TNIK: variants seen among roughly 807,000 people sequenced by gnomAD.
The protein encoded by TNIK is TRAF2 and NCK interacting kinase.
A neutral mutation model predicts 191.3 loss-of-function variants in TNIK; 49 were observed. The observed-to-expected ratio is 0.26, with a 90% CI of 0.20 to 0.32. The LOEUF (loss-of-function observed/expected upper bound fraction) is 0.32. Ranked by LOEUF, TNIK falls within the 10% of genes least tolerant of loss-of-function variation. The pLI is 1.00. For synonymous variants in TNIK, 594 were observed against 600.9 expected (o/e 0.99, Z 0.17); for missense variants, 1,155 against 1,702.3 (o/e 0.68, Z 5.66).
At chr3:171,200,991 T>C (rs1739331435) in intron 4 of TNIK, among the ~76,000 whole-genome samples, 1 of 152,164 alleles carries the variant, frequency 6.6e-6, no homozygotes, top group Non-Finnish European at 1.5e-5. Flanking sequence ...ATCCCTTCTC[T>C]TTTATGGTAA....
intron 2 of TNIK, among the ~76,000 whole-genome samples, chr3:171,234,171 A>G (rs956325098): frequency 3.9e-5 from 6 of 152,210 alleles, no homozygotes. Context: ...TTTCCTTGAT[A>G]CAACATGTCT....
chr3:171,367,383 T>C (rs1262932822), intron 2 of TNIK, among the ~76,000 whole-genome samples: 1 of 151,076 alleles, frequency 6.6e-6, no homozygotes, highest in Non-Finnish European at 1.5e-5. Flanking sequence ...CCTAACATCG[T>C]CTGGTTGCCT....
chr3:171,066,830 A>T, intron 30 of TNIK, 95 bp from the exon 31 acceptor site: 1 of 1,412,524 alleles, frequency 7.1e-7, no homozygotes, highest in African/African-American at 1.4e-5. Flanking sequence ...GTTTTTGTTT[A>T]TTTTCATTGT....
intron 4 of TNIK, among the ~76,000 whole-genome samples, chr3:171,207,697 G>A (rs1740272850): frequency 6.6e-6 from 1 of 152,108 alleles, no homozygotes; most frequent in South Asian, 2.1e-4. Flanking sequence ...CAGAGTCACT[G>A]CTAAAATGCT....
chr3:171,221,791 T>C (rs1384608236), intron 3 of TNIK, among the ~76,000 whole-genome samples: 1 of 152,090 alleles, frequency 6.6e-6, no homozygotes, highest in African/African-American at 2.4e-5. Context: ...GGCTAACAAC[T>C]CTGTAATTGA....
intron 1 of TNIK, among the ~76,000 whole-genome samples, chr3:171,456,082 T>C (rs1728766705): frequency 6.6e-6 from 1 of 152,216 alleles, no homozygotes; most frequent in African/African-American, 2.4e-5. Flanking sequence ...AAGACAAGTG[T>C]AGATCATCTA....
chr3:171,225,140 G>T (rs537517652), intron 3 of TNIK, among the ~76,000 whole-genome samples: 23 of 152,260 alleles, frequency 1.5e-4, no homozygotes, highest in African/African-American at 5.5e-4. Flanking sequence ...CAACCATAAT[G>T]AGTACAATTA....
intron 2 of TNIK, among the ~76,000 whole-genome samples, chr3:171,341,400 A>G (rs1757498115): frequency 7.0e-6 from 1 of 142,612 alleles, no homozygotes; most frequent in Non-Finnish European, 1.5e-5. Flanking sequence ...TGAACCCAGG[A>G]GGCAGAGGTT....
At chr3:171,250,476 G>A (rs1378243357) in intron 2 of TNIK, among the ~76,000 whole-genome samples, 1 of 152,158 alleles carries the variant, frequency 6.6e-6, no homozygotes, top group East Asian at 1.9e-4. Flanking sequence ...AAACCTGATA[G>A]ACTTAAAAAA....
chr3:171,373,296 A>G (rs1006006487), intron 1 of TNIK, among the ~76,000 whole-genome samples: 4 of 37,482 alleles, frequency 1.1e-4, no homozygotes, highest in African/African-American at 2.5e-4. Flanking sequence ...TGTTGAAAAT[A>G]TATCCCTCCA....
chr3:171,420,128 G>A (rs1344597544), intron 1 of TNIK, among the ~76,000 whole-genome samples: 2 of 152,184 alleles, frequency 1.3e-5, no homozygotes, highest in Non-Finnish European at 2.9e-5. Context: ...CCTGACTTAT[G>A]AGGGTTTTTA....
intron 28 of TNIK, among the ~76,000 whole-genome samples, chr3:171,077,563 C>T (rs1233328683): frequency 3.3e-5 from 5 of 152,118 alleles, no homozygotes; most frequent in African/African-American, 1.2e-4. Flanking sequence ...GGCCTTCAGA[C>T]TTGGACTGAA....
Position 171,365,035 on chromosome 3 carries a change from C to T in TNIK, c.123+4585G>A, listed in dbSNP as rs79684830. Among the ~76,000 whole-genome samples, 870 of 151,894 alleles carry T rather than the reference C, an allele frequency of 5.7e-3. 11 individuals are homozygous for T. The highest frequency in any genetic ancestry group is 0.02 in the African/African-American group (844 of 41,398). On this transcript the variant is annotated intron_variant, in intron 2 of 32. Coordinates refer to ENST00000436636, the MANE Select transcript of TNIK (RefSeq NM_015028.4). ...GATAATGAAGGGCCTCAGCTCTATG[C>T]CATAAGAATGAATCAAGCAACTGAG...
intron 1 of TNIK, among the ~76,000 whole-genome samples, chr3:171,372,084 G>A (rs183446532): frequency 2.6e-5 from 4 of 152,270 alleles, no homozygotes; most frequent in South Asian, 2.1e-4. Flanking sequence ...AAGGTCACTC[G>A]CCTCAGGGTC....
chr3:171,314,727 T>A (rs1754416058), intron 2 of TNIK, among the ~76,000 whole-genome samples: 1 of 151,150 alleles, frequency 6.6e-6, no homozygotes, highest in African/African-American at 2.5e-5. Context: ...AAATAAATAA[T>A]AAAACACAAT....
chr3:171,295,188 T>G (rs1752149281), intron 2 of TNIK, among the ~76,000 whole-genome samples: 2 of 152,186 alleles, frequency 1.3e-5, no homozygotes, highest in Non-Finnish European at 2.9e-5. Context: ...GAAAAAGTGT[T>G]TTGGGTTTCC....
At chr3:171,129,918 T>C (rs1040105943) in intron 15 of TNIK, among the ~76,000 whole-genome samples, 1 of 152,260 alleles carries the variant, frequency 6.6e-6, no homozygotes, top group African/African-American at 2.4e-5. Context: ...CCAGATCTAC[T>C]GTGTCCTGTC....
At chr3:171,093,373 G>A (rs373453117) in intron 23 of TNIK, among the ~76,000 whole-genome samples, 14 of 152,210 alleles carry the variant, frequency 9.2e-5, no homozygotes, top group Middle Eastern at 3.4e-3. Context: ...ATAACTTAAC[G>A]GTTGTTTTAA....
rs1175588641 is a variant in TNIK at position 171,235,210 on chromosome 3, T to G, written c.124-6989A>C. ...GTTCCCACTACCATGCCCAGCTAATTTTTGTAGTTTTAGTAGAGCCAGGGT... is the reference window on the plus strand; with the variant it reads ...GTTCCCACTACCATGCCCAGCTAATGTTTGTAGTTTTAGTAGAGCCAGGGT... On this transcript the variant is annotated intron_variant, in intron 2 of 32. Transcript: ENST00000436636. 1.3e-5 allele frequency among the ~76,000 whole-genome samples: 2 copies of G among 152,034 alleles called. 1 individual carries two copies. The highest frequency in any genetic ancestry group is 1.3e-4 in the Admixed American group (2 of 15,274).
Sources: allele counts gnomAD v4.1 joint callset (sites outside exome capture counted in the v4.1 genomes callset), GRCh38; gene constraint gnomAD v4.1.1; transcripts MANE v1.5; gene names NCBI Gene and HGNC (gene_info 2026-07-23, HGNC 2026-07-21).